The following ZNF385D variants were observed in gnomAD, a reference collection of about 807,000 sequenced individuals.
The protein encoded by ZNF385D is zinc finger protein 659.
In ZNF385D, 15 loss-of-function variants were observed where a neutral mutation model predicts 35.8. The observed-to-expected ratio is 0.42, with a 90% CI of 0.28 to 0.64. The LOEUF (loss-of-function observed/expected upper bound fraction) is 0.64, where lower values mean the gene tolerates loss of function less well. Among genes scored for constraint, ZNF385D ranks in the 30% least tolerant of loss-of-function variants. The pLI is 0.23. For synonymous variants in ZNF385D, 212 were observed against 186.8 expected (o/e 1.13, Z -1.10); for missense variants, 474 against 494.6 (o/e 0.96, Z 0.39).
At chr3:22,338,859 CCTAG>C (rs1167739627) in intron 2 of ZNF385D, among the ~76,000 whole-genome samples, 1 of 151,850 alleles carries the variant, frequency 6.6e-6, no homozygotes, top group African/African-American at 2.4e-5. Context: ...TGCCACCACA[CCTAG>C]CTAATTTTTG....
chr3:22,205,799 G>A (rs1205558777), intron 2 of ZNF385D, among the ~76,000 whole-genome samples: 4 of 151,822 alleles, frequency 2.6e-5, no homozygotes, highest in African/African-American at 7.3e-5. Flanking sequence ...TAGTACCAGA[G>A]AAAACCACCT....
intron 3 of ZNF385D, among the ~76,000 whole-genome samples, chr3:21,892,781 T>A (rs1440258998): frequency 6.6e-6 from 1 of 152,160 alleles, no homozygotes; most frequent in Non-Finnish European, 1.5e-5. Flanking sequence ...TTTACTCACG[T>A]GCAAGATAAC....
intron 6 of ZNF385D, among the ~76,000 whole-genome samples, chr3:21,424,776 C>T (rs114123278): frequency 0.011 from 1,627 of 147,140 alleles, 34 homozygotes; most frequent in African/African-American, 0.038. Context: ...TGCCCAGGGA[C>T]GAATGAATTT....
rs1220694396 is a variant in ZNF385D at position 21,767,705 on chromosome 3, G to T, written c.326-102677C>A. Among the ~76,000 whole-genome samples the T allele has an allele frequency of 5.3e-5, 8 of 151,982 alleles. No individual in the cohort carries two copies. In the East Asian group the frequency reaches 1.5e-3, roughly 29 times the overall value. On this transcript the variant is annotated intron_variant, in intron 3 of 5. Transcript: ENST00000494108. Reference sequence around the variant, plus strand: ...GGGGGTGGGAGAGGAAGAGAGGGTAGAGAGGATTGAGAGAGAAAGAAGAGA... The same window carrying T: ...GGGGGTGGGAGAGGAAGAGAGGGTATAGAGGATTGAGAGAGAAAGAAGAGA...
At chr3:22,025,212 C>G (rs2125463158) in intron 3 of ZNF385D, among the ~76,000 whole-genome samples, 1 of 152,256 alleles carries the variant, frequency 6.6e-6, no homozygotes, top group Admixed American at 6.5e-5. Flanking sequence ...TGCCATCAGC[C>G]TTTCCACTTC....
At chr3:21,837,130 AT>A (rs964421508) in intron 3 of ZNF385D, among the ~76,000 whole-genome samples, 8 of 151,994 alleles carry the variant, frequency 5.3e-5, no homozygotes, top group Admixed American at 2.0e-4. Context: ...GCTAAGTGAA[AT>A]TTTTTTTATA....
intron 3 of ZNF385D, among the ~76,000 whole-genome samples, chr3:21,995,085 C>T (rs761427672): frequency 1.3e-5 from 2 of 152,206 alleles, no homozygotes; most frequent in Non-Finnish European, 2.9e-5. Flanking sequence ...GGTCGTCAGG[C>T]CCCTGGGCAG....
chr3:21,682,192 G>A (rs1309413054), intron 1 of ZNF385D, among the ~76,000 whole-genome samples: 1 of 152,156 alleles, frequency 6.6e-6, no homozygotes, highest in Non-Finnish European at 1.5e-5. Context: ...TTGGACAATT[G>A]GCAGGTTGGT....
At chr3:21,945,699 A>G (rs1175220885) in intron 3 of ZNF385D, among the ~76,000 whole-genome samples, 1 of 152,142 alleles carries the variant, frequency 6.6e-6, no homozygotes, top group Non-Finnish European at 1.5e-5. Context: ...CAATTGATGT[A>G]AGTTTCTTAA....
In ZNF385D at chr3:21,729,832, A is replaced by G. The variant is rs549781542; in HGVS notation, c.22+21063T>C. 2.1e-3 allele frequency among the ~76,000 whole-genome samples: 320 copies of G among 152,332 alleles called. 3 individuals are homozygous for G. The highest frequency in any genetic ancestry group is 3.7e-3 in the Non-Finnish European group (249 of 68,026). On this transcript the variant is annotated intron_variant, in intron 1 of 7. Transcript: ENST00000281523. ...TTGTATCTAGAAAGGGATTAATTGT[A>G]TAACCTGTTTGAAATAAATCACCAG...
chr3:21,608,265 T>TC (rs1009135056), intron 2 of ZNF385D, among the ~76,000 whole-genome samples: 24 of 152,244 alleles, frequency 1.6e-4, no homozygotes, highest in African/African-American at 5.8e-4. Context: ...CACCTTGGCC[T>TC]CCTAAAGTGC....
intron 3 of ZNF385D, among the ~76,000 whole-genome samples, chr3:21,775,784 T>C (rs1298399487): frequency 6.6e-6 from 1 of 151,894 alleles, no homozygotes; most frequent in African/African-American, 2.4e-5. Flanking sequence ...AATTTTTAGA[T>C]TGTCTGAGCT....
chr3:21,716,787 TG>T (rs1363134377), intron 1 of ZNF385D, among the ~76,000 whole-genome samples: 1 of 152,182 alleles, frequency 6.6e-6, no homozygotes, highest in Non-Finnish European at 1.5e-5. Flanking sequence ...TTGTTGTTGT[TG>T]TTTTTTGTTT....
At chr3:21,839,905 C>T (rs373431225) in intron 3 of ZNF385D, among the ~76,000 whole-genome samples, 52 of 152,070 alleles carry the variant, frequency 3.4e-4, no homozygotes, top group African/African-American at 1.2e-3. Flanking sequence ...ACCTAAAGAC[C>T]GAGAGCGCAC....
chr3:21,978,945 T>C (rs1694229781), intron 3 of ZNF385D, among the ~76,000 whole-genome samples: 1 of 152,220 alleles, frequency 6.6e-6, no homozygotes, highest in Admixed American at 6.5e-5. Flanking sequence ...TTCTTCATAT[T>C]AATATCTAAA....
intron 3 of ZNF385D, among the ~76,000 whole-genome samples, chr3:21,514,341 A>G (rs1467990064): frequency 4.6e-5 from 7 of 152,184 alleles, no homozygotes; most frequent in Non-Finnish European, 8.8e-5. Flanking sequence ...TTTTAAAACT[A>G]AAGCAGAATC....
intron 2 of ZNF385D, among the ~76,000 whole-genome samples, chr3:22,289,311 A>G (rs1340800385): frequency 6.6e-6 from 1 of 152,152 alleles, no homozygotes. Context: ...GAGTCAATTC[A>G]TTACGTGCAA....
chr3:21,522,405 T>C (rs1575100540), intron 3 of ZNF385D, among the ~76,000 whole-genome samples: 1 of 152,310 alleles, frequency 6.6e-6, no homozygotes, highest in East Asian at 1.9e-4. Flanking sequence ...TGGCACGATC[T>C]TGGCTCATCA....
intron 3 of ZNF385D, among the ~76,000 whole-genome samples, chr3:22,110,988 G>T (rs1236443482): frequency 6.6e-6 from 1 of 151,746 alleles, no homozygotes; most frequent in Non-Finnish European, 1.5e-5. Flanking sequence ...TTGTGCTGTG[G>T]TATTTAGTTT....
Sources: gnomAD v4.1 joint callset for allele counts (sites outside exome capture counted in the v4.1 genomes callset) on GRCh38, gnomAD v4.1.1 for gene constraint, MANE v1.5 for transcripts, NCBI Gene and HGNC (gene_info 2026-07-23, HGNC 2026-07-21) for gene names.